TMEM132D: variants seen among roughly 807,000 people sequenced by gnomAD.
The protein encoded by TMEM132D is transmembrane protein 132D.
TMEM132D carries 21 observed loss-of-function variants against 62.3 expected under a neutral mutation model. The ratio of observed to expected loss-of-function variants is 0.34; its 90% CI spans 0.24 to 0.49. The LOEUF (loss-of-function observed/expected upper bound fraction) is 0.49, where lower values mean the gene tolerates loss of function less well. Among genes scored for constraint, TMEM132D ranks in the 20% least tolerant of loss-of-function variants. The pLI, the probability that TMEM132D is intolerant of heterozygous loss-of-function variation, is 0.99. For missense variants in TMEM132D, 1,346 were observed against 1,402.8 expected (o/e 0.96, Z 0.65); for synonymous variants, 621 against 575.6 (o/e 1.08, Z -1.13).
intron 4 of TMEM132D, among the ~76,000 whole-genome samples, chr12:129,335,627 A>G (rs1232406879): frequency 6.6e-6 from 1 of 152,168 alleles, no homozygotes; most frequent in East Asian, 1.9e-4. Flanking sequence ...TGAAAAATGG[A>G]AAACAGGTAC....
At chr12:129,164,556 AG>A (rs1455520822) in intron 5 of TMEM132D, among the ~76,000 whole-genome samples, 1 of 152,212 alleles carries the variant, frequency 6.6e-6, no homozygotes, top group East Asian at 1.9e-4. Flanking sequence ...TAAAGGAAAG[AG>A]GTTTAATTGA....
intron 5 of TMEM132D, among the ~76,000 whole-genome samples, chr12:129,120,839 T>C (rs527834958): frequency 6.6e-6 from 1 of 152,298 alleles, no homozygotes; most frequent in East Asian, 1.9e-4. Context: ...TCATTTTTTT[T>C]TGTTTCGGTA....
chr12:129,218,559 CTTATGGGACCACAGTGGTATACGCAG>C (rs1430548419), intron 4 of TMEM132D, among the ~76,000 whole-genome samples: 1 of 152,170 alleles, frequency 6.6e-6, no homozygotes, highest in Non-Finnish European at 1.5e-5. Flanking sequence ...GTAGCATAAT[CTTATGGGACCACAGTGGTATACGCAG>C]TTCATTGTTG....
At chr12:129,294,645 T>G (rs11830505) in intron 4 of TMEM132D, among the ~76,000 whole-genome samples, 2 of 152,160 alleles carry the variant, frequency 1.3e-5, no homozygotes, top group Non-Finnish European at 2.9e-5. Context: ...CAGTTCTAAC[T>G]TGCCTTCCTG....
At chr12:129,752,887 T>C (rs903522674) in intron 1 of TMEM132D, among the ~76,000 whole-genome samples, 3 of 152,200 alleles carry the variant, frequency 2.0e-5, no homozygotes, top group African/African-American at 7.2e-5. Context: ...GTATCCTAAT[T>C]GACATTTCCA....
intron 5 of TMEM132D, among the ~76,000 whole-genome samples, chr12:129,118,430 C>T (rs1444104605): frequency 6.6e-6 from 1 of 152,210 alleles, no homozygotes. Context: ...CTCGTCAGCC[C>T]CAGCACTCCC....
chr12:129,147,140 TTC>T (rs748131020), intron 5 of TMEM132D, among the ~76,000 whole-genome samples: 2 of 151,974 alleles, frequency 1.3e-5, no homozygotes, highest in East Asian at 1.9e-4. Flanking sequence ...TTTAAAATTA[TTC>T]TCTCTCTCTG....
intron 5 of TMEM132D, among the ~76,000 whole-genome samples, chr12:129,200,735 C>T (rs1878683040): frequency 6.6e-6 from 1 of 152,226 alleles, no homozygotes; most frequent in Admixed American, 6.5e-5. Flanking sequence ...CCACTCTCCT[C>T]TCCTCAGGAA....
At chr12:129,237,189 T>C (rs762289653) in intron 4 of TMEM132D, among the ~76,000 whole-genome samples, 1 of 152,202 alleles carries the variant, frequency 6.6e-6, no homozygotes, top group African/African-American at 2.4e-5. Context: ...TGGTTTTCTT[T>C]GCTTGTAGTA....
intron 4 of TMEM132D, among the ~76,000 whole-genome samples, chr12:129,295,159 T>C (rs1162364113): frequency 6.6e-6 from 1 of 152,166 alleles, no homozygotes; most frequent in African/African-American, 2.4e-5. Flanking sequence ...CCTGCAACAC[T>C]GATTCTTTGT....
chr12:129,291,104 T>G (rs1881435172), intron 4 of TMEM132D, among the ~76,000 whole-genome samples: 1 of 152,214 alleles, frequency 6.6e-6, no homozygotes, highest in African/African-American at 2.4e-5. Flanking sequence ...GTTGCAGGTA[T>G]CTGGACTAAA....
intron 4 of TMEM132D, among the ~76,000 whole-genome samples, chr12:129,210,662 A>G (rs907308752): frequency 9.9e-5 from 15 of 151,942 alleles, no homozygotes; most frequent in Admixed American, 6.6e-4. Flanking sequence ...TCTCTTCCAG[A>G]CTCTAAGCTC....
At chr12:129,437,584 A>C (rs1327923657) in intron 3 of TMEM132D, among the ~76,000 whole-genome samples, 1 of 152,138 alleles carries the variant, frequency 6.6e-6, no homozygotes, top group Non-Finnish European at 1.5e-5. Flanking sequence ...AAGTGATGAG[A>C]ATTCTCTTAC....
chr12:129,440,851 T>C (rs766263608), intron 3 of TMEM132D, among the ~76,000 whole-genome samples: 13 of 152,192 alleles, frequency 8.5e-5, no homozygotes, highest in Non-Finnish European at 1.3e-4. Context: ...TGGAGACTAA[T>C]GTGCATCTGG....
At chr12:129,207,403 G>A (rs1055400255) in intron 5 of TMEM132D, among the ~76,000 whole-genome samples, 3 of 152,236 alleles carry the variant, frequency 2.0e-5, no homozygotes, top group South Asian at 2.1e-4. Context: ...ATACATAAAC[G>A]TATGCTATGT....
At chr12:129,672,988 T>C (rs1880536153) in intron 2 of TMEM132D, among the ~76,000 whole-genome samples, 1 of 152,226 alleles carries the variant, frequency 6.6e-6, no homozygotes, top group Non-Finnish European at 1.5e-5. Context: ...CCTCAGGTGA[T>C]CTGCCCGCCA....
chr12:129,280,738 T>C (rs1848477495), intron 4 of TMEM132D, among the ~76,000 whole-genome samples: 1 of 152,204 alleles, frequency 6.6e-6, no homozygotes, highest in Non-Finnish European at 1.5e-5. Flanking sequence ...CTATCTTCTA[T>C]CTTAGCTTAT....
rs1354756989 is a variant in TMEM132D, at chr12:129,814,037, G to A, written c.79+89224C>T. Among the ~76,000 whole-genome samples the A allele has an allele frequency of 2.0e-5, 3 of 152,174 alleles. No individual in the cohort carries two copies. The East Asian group carries it at 5.8e-4, about 30-fold the overall frequency. ...CCTCACTGAGGTCTGATGGAATGATGGAATTCCATCATTTGCAGCAACATG... is the reference window on the plus strand; with the variant it reads ...CCTCACTGAGGTCTGATGGAATGATAGAATTCCATCATTTGCAGCAACATG... On this transcript the variant is annotated intron_variant, in intron 1 of 8. Coordinates refer to ENST00000422113, the MANE Select transcript of TMEM132D (RefSeq NM_133448.3).
At chr12:129,501,299 A>G (rs537646956) in intron 3 of TMEM132D, among the ~76,000 whole-genome samples, 64 of 152,226 alleles carry the variant, frequency 4.2e-4, no homozygotes, top group African/African-American at 1.3e-3. Flanking sequence ...CTAAAATACA[A>G]TCTCATGTCT....
Sources: gnomAD v4.1 joint callset for allele counts (sites outside exome capture counted in the v4.1 genomes callset) on GRCh38, gnomAD v4.1.1 for gene constraint, MANE v1.5 for transcripts, NCBI Gene and HGNC (gene_info 2026-07-23, HGNC 2026-07-21) for gene names.